The following CFTR variants were observed in gnomAD, a reference collection of about 807,000 sequenced individuals.
CFTR encodes cystic fibrosis transmembrane conductance regulator.
Under a neutral mutation model 171.6 loss-of-function variants are expected in CFTR, and 181 were observed. That is an observed-to-expected ratio of 1.05 (90% CI 0.93 to 1.19). CFTR has a LOEUF of 1.19. Among genes scored for constraint, CFTR ranks in the 50% most tolerant of loss-of-function variants. The pLI, the probability that CFTR is intolerant of heterozygous loss-of-function variation, is 0.00. For missense variants in CFTR, 1,968 were observed against 1,734.7 expected (o/e 1.13, Z -2.39); for synonymous variants, 583 against 608.0 (o/e 0.96, Z 0.60).
chr7:117,489,007 A>G (rs568095276), intron 1 of CFTR, among the ~76,000 whole-genome samples: 4 of 152,042 alleles, frequency 2.6e-5, no homozygotes, highest in Non-Finnish European at 5.9e-5. Context: ...TCTTAAATAA[A>G]TTTAGTTTGT....
At chr7:117,580,740 G>A (rs1263605887) in intron 11 of CFTR, among the ~76,000 whole-genome samples, 1 of 152,126 alleles carries the variant, frequency 6.6e-6, no homozygotes, top group Non-Finnish European at 1.5e-5. Context: ...TTCAAGCACA[G>A]AAGTGCTTGA....
In CFTR at chr7:117,667,972, C is replaced by T. The variant is rs1311761637; in HGVS notation, c.*864C>T. On this transcript the variant is annotated 3_prime_UTR_variant, in exon 27 of 27. Coordinates refer to ENST00000003084, the MANE Select transcript of CFTR (RefSeq NM_000492.4). ...AAAAGTATGTTAGTGCAAATTGTCA[C>T]AGGACAGCCCTTCTTTCCACAGAAG... is the stretch of plus-strand genomic sequence containing the variant. 3 of 152,274 alleles carry T rather than the reference C, an allele frequency of 2.0e-5. No individual in the cohort carries two copies. Among genetic ancestry groups the T allele is most frequent in the African/African-American group, 7.2e-5 (3 of 41,432 alleles). 9.4% of individuals were successfully genotyped at this position (152,274 alleles called of 1,614,324 possible).
intron 24 of CFTR, among the ~76,000 whole-genome samples, chr7:117,659,765 C>T (rs1211656178): frequency 6.6e-6 from 1 of 152,192 alleles, no homozygotes. Context: ...TTTTAGAAAA[C>T]AAGCTAAATA....
chr7:117,641,709 C>A (rs1792916814), intron 22 of CFTR, among the ~76,000 whole-genome samples: 1 of 152,212 alleles, frequency 6.6e-6, no homozygotes, highest in Admixed American at 6.6e-5. Flanking sequence ...TTGATCTCCT[C>A]ATGCAGTGCA....
intron 11 of CFTR, among the ~76,000 whole-genome samples, chr7:117,584,459 T>G (rs957160764): frequency 6.6e-6 from 1 of 152,326 alleles, no homozygotes; most frequent in Admixed American, 6.5e-5. Flanking sequence ...TTTTGTATGC[T>G]TTGTCAAAGA....
chr7:117,503,314 T>G (rs931998134), intron 1 of CFTR, among the ~76,000 whole-genome samples: 4 of 152,206 alleles, frequency 2.6e-5, no homozygotes, highest in African/African-American at 9.6e-5. Flanking sequence ...AGCATAGGTT[T>G]GGGACTCACT....
chr7:117,494,215 T>C (rs1300853511), intron 1 of CFTR, among the ~76,000 whole-genome samples: 1 of 152,086 alleles, frequency 6.6e-6, no homozygotes, highest in Non-Finnish European at 1.5e-5. Context: ...GAAACAAAAA[T>C]CCCCAAACTA....
chr7:117,513,736 C>A (rs768077115), intron 3 of CFTR, among the ~76,000 whole-genome samples: 7 of 152,130 alleles, frequency 4.6e-5, no homozygotes, highest in Non-Finnish European at 1.0e-4. Context: ...CTATCTCCAG[C>A]AAATCTTCTA....
intron 1 of CFTR, among the ~76,000 whole-genome samples, chr7:117,488,842 T>G (rs935965785): frequency 2.6e-5 from 4 of 152,038 alleles, no homozygotes; most frequent in African/African-American, 9.7e-5. Flanking sequence ...GTTTCTGAAA[T>G]CGAGATGCCT....
rs1792349774 is a variant in CFTR, at chr7:117,609,479, CT to C, written c.2989-1037del. ...CCTTTCTGCAGACAGTTACTTTATA[CT>C]TTATTCAAATGGATTATTGTGAAGT... On this transcript the variant is annotated intron_variant, in intron 18 of 26. Coordinates refer to ENST00000003084, the MANE Select transcript of CFTR (RefSeq NM_000492.4). 4.6e-5 allele frequency among the ~76,000 whole-genome samples: 7 copies of C among 152,052 alleles called. No homozygotes were observed. The South Asian group carries it at 1.5e-3, about 32-fold the overall frequency.
intron 7 of CFTR, among the ~76,000 whole-genome samples, chr7:117,539,055 T>A (rs1799003936): frequency 6.6e-6 from 1 of 152,154 alleles, no homozygotes; most frequent in East Asian, 1.9e-4. Flanking sequence ...ACATGCACTA[T>A]GCCATGGCAC....
At chr7:117,500,436 G>A (rs1471534077) in intron 1 of CFTR, among the ~76,000 whole-genome samples, 1 of 151,688 alleles carries the variant, frequency 6.6e-6, no homozygotes, top group Non-Finnish European at 1.5e-5. Context: ...ACAGGCATGT[G>A]CCCCCATGCC....
chr7:117,610,637 C>T lies in CFTR; in HGVS notation c.3107C>T (p.Thr1036Ile), dbSNP rs397508498. The T allele has an allele frequency of 6.2e-7, 1 of 1,613,552 alleles. No individual in the cohort carries two copies. Among genetic ancestry groups the T allele is most frequent in the Middle Eastern group, 1.7e-4 (1 of 6,058 alleles). The change falls in exon 19 of 27, where the codon ACC (threonine) becomes ATC (isoleucine). Residue 1036 changes from threonine (T) to isoleucine (I), a missense_variant. Coordinates refer to ENST00000003084, the MANE Select transcript of CFTR (RefSeq NM_000492.4). ...FIMLRAYFLQ[T>I]SQQLKQLESE... ...ATGTTGAGAGCATATTTCCTCCAAA[C>T]CTCACAGCAACTCAAACAACTGGAA...
chr7:117,587,648 A>C (rs957841333), intron 11 of CFTR, 91 bp from the exon 12 acceptor site: 11 of 783,072 alleles, frequency 1.4e-5, no homozygotes, highest in Admixed American at 5.4e-5. Flanking sequence ...CAATAGTGTG[A>C]TATATGATTA....
At position 117,548,839 on chromosome 7, in the gene CFTR, T is replaced by A. The variant is rs752490236; in HGVS notation, c.1392+16T>A. 11 of 1,602,728 alleles carry A rather than the reference T, an allele frequency of 6.9e-6. No homozygotes were observed. The highest frequency in any genetic ancestry group is 1.3e-5 in the African/African-American group (1 of 74,570). On this transcript the variant is annotated intron_variant, in intron 10 of 26. Transcript: ENST00000003084. ...AGCAGGCAAGGTAGTTCTTTTGTTC[T>A]TCACTATTAAGAACTTAATTTGGTG...
At chr7:117,607,914 A>G (rs918792170) in intron 18 of CFTR, among the ~76,000 whole-genome samples, 4 of 152,202 alleles carry the variant, frequency 2.6e-5, no homozygotes, top group Non-Finnish European at 5.9e-5. Context: ...TCATGCATTC[A>G]AAGAAACATG....
chr7:117,592,026 A>T lies in CFTR; in HGVS notation c.1859A>T (p.His620Leu), dbSNP rs397508314. ...AAAGCTGACAAAATATTAATTTTGCATGAAGGTAGCAGCTATTTTTATGGG... is the reference window on the plus strand; with the variant it reads ...AAAGCTGACAAAATATTAATTTTGCTTGAAGGTAGCAGCTATTTTTATGGG... ...LKKADKILIL[H>L]EGSSYFYGTF... The change falls in exon 14 of 27, where the codon CAT becomes CTT. Residue 620 changes from histidine (H) to leucine (L), a missense_variant. By Grantham distance (99) the His-to-Leu change is moderately conservative. Coordinates refer to ENST00000003084, the MANE Select transcript of CFTR (RefSeq NM_000492.4). The T allele has an allele frequency of 3.1e-6, 5 of 1,595,338 alleles. No individual in the cohort carries two copies. The South Asian group carries it at 4.6e-5, about 15-fold the overall frequency.
intron 10 of CFTR, among the ~76,000 whole-genome samples, chr7:117,556,338 C>T (rs1799354717): frequency 6.6e-6 from 1 of 151,890 alleles, no homozygotes; most frequent in South Asian, 2.1e-4. Context: ...GTTGGGATTA[C>T]AGGCATGAGC....
chr7:117,567,154 C>T (rs1269389795), intron 11 of CFTR, among the ~76,000 whole-genome samples: 1 of 152,134 alleles, frequency 6.6e-6, no homozygotes, highest in Non-Finnish European at 1.5e-5. Context: ...TATATATGCC[C>T]GATGTTTCGA....
Sources: allele counts gnomAD v4.1 joint callset (sites outside exome capture counted in the v4.1 genomes callset), GRCh38; gene constraint gnomAD v4.1.1; transcripts MANE v1.5; gene names NCBI Gene and HGNC (gene_info 2026-07-23, HGNC 2026-07-21).